The following PLXDC2 variants were observed in gnomAD, a reference collection of about 807,000 sequenced individuals.
PLXDC2 encodes the protein plexin domain-containing protein 2.
A neutral mutation model predicts 68.9 loss-of-function variants in PLXDC2; 40 were observed. That is an observed-to-expected ratio of 0.58 (90% CI 0.45 to 0.76). The LOEUF (loss-of-function observed/expected upper bound fraction) is 0.76. Among genes scored for constraint, PLXDC2 ranks in the 30% least tolerant of loss-of-function variants. The pLI is 0.00. For synonymous variants in PLXDC2, 243 were observed against 234.2 expected (o/e 1.04, Z -0.34); for missense variants, 644 against 661.9 (o/e 0.97, Z 0.30).
At chr10:19,820,473 T>C (rs1836443054) in intron 1 of PLXDC2, among the ~76,000 whole-genome samples, 1 of 147,350 alleles carries the variant, frequency 6.8e-6, no homozygotes, top group Non-Finnish European at 1.5e-5. Flanking sequence ...CTACTAAAAA[T>C]ACAAAAAAAA....
chr10:19,846,815 C>T (rs1462719103), intron 1 of PLXDC2, among the ~76,000 whole-genome samples: 2 of 152,052 alleles, frequency 1.3e-5, no homozygotes, highest in South Asian at 2.1e-4. Context: ...TTTCACACTG[C>T]TAAGAGAGAT....
chr10:20,218,063 CT>C (rs1224197734), intron 11 of PLXDC2, among the ~76,000 whole-genome samples: 3 of 152,126 alleles, frequency 2.0e-5, no homozygotes, highest in Non-Finnish European at 4.4e-5. Flanking sequence ...TACAGAAACA[CT>C]GTATGTGTCA....
intron 1 of PLXDC2, among the ~76,000 whole-genome samples, chr10:19,942,714 C>T (rs563368554): frequency 2.6e-5 from 4 of 152,240 alleles, no homozygotes; most frequent in South Asian, 4.1e-4. Context: ...TTGCAGTGAG[C>T]GGAGATGGCA....
At chr10:20,004,418 G>A (rs558192127) in intron 2 of PLXDC2, among the ~76,000 whole-genome samples, 1 of 152,226 alleles carries the variant, frequency 6.6e-6, no homozygotes, top group South Asian at 2.1e-4. Context: ...TAGCAACTTG[G>A]GGTAGGCAAC....
At chr10:20,096,015 C>A (rs563091354) in intron 4 of PLXDC2, among the ~76,000 whole-genome samples, 3 of 152,216 alleles carry the variant, frequency 2.0e-5, no homozygotes, top group African/African-American at 7.2e-5. Flanking sequence ...TGCAGTTTTT[C>A]CCAAATTAAT....
At chr10:19,900,256 G>C (rs1838135707) in intron 1 of PLXDC2, among the ~76,000 whole-genome samples, 1 of 152,152 alleles carries the variant, frequency 6.6e-6, no homozygotes, top group Admixed American at 6.6e-5. Flanking sequence ...AGAAGATCAA[G>C]GAGGGCCTGG....
chr10:20,197,361 GT>G (rs1461334000), intron 9 of PLXDC2, among the ~76,000 whole-genome samples: 2 of 146,922 alleles, frequency 1.4e-5, no homozygotes, highest in African/African-American at 2.7e-5. Flanking sequence ...ATTGTTTTTT[GT>G]TTGTTTGTTT....
rs577050491 is a variant in PLXDC2, at chr10:19,921,386, T to A, written c.113-80389T>A. Among the ~76,000 whole-genome samples the A allele has an allele frequency of 2.6e-5, 4 of 152,308 alleles. No individual in the cohort carries two copies. The East Asian group carries it at 7.7e-4, about 29-fold the overall frequency. ...TTGTAGATGTTTCAGAGGGACAGTT[T>A]CATCCCTGTTGGCCGTCTTCCTCGT... On this transcript the variant is annotated intron_variant, in intron 1 of 13. Transcript: ENST00000377252.
intron 4 of PLXDC2, among the ~76,000 whole-genome samples, chr10:20,122,388 T>C (rs1589639922): frequency 6.6e-6 from 1 of 152,066 alleles, no homozygotes; most frequent in Non-Finnish European, 1.5e-5. Context: ...TCCGTGATGG[T>C]CTAGGGGGCT....
At chr10:20,132,463 T>C (rs1833879929) in intron 4 of PLXDC2, among the ~76,000 whole-genome samples, 1 of 152,214 alleles carries the variant, frequency 6.6e-6, no homozygotes, top group Admixed American at 6.5e-5. Flanking sequence ...TCCTCTACTA[T>C]TATTGTATTG....
intron 1 of PLXDC2, among the ~76,000 whole-genome samples, chr10:19,888,010 G>A (rs1027837162): frequency 2.6e-5 from 4 of 152,120 alleles, no homozygotes; most frequent in African/African-American, 9.7e-5. Flanking sequence ...TTTGCTGTGT[G>A]GTCTTGTGGA....
At chr10:19,942,596 G>A (rs953152300) in intron 1 of PLXDC2, among the ~76,000 whole-genome samples, 2 of 151,934 alleles carry the variant, frequency 1.3e-5, no homozygotes, top group Non-Finnish European at 1.5e-5. Context: ...AACCCGTCTC[G>A]ACCAAAAATA....
At chr10:20,066,641 A>G (rs1314658240) in intron 3 of PLXDC2, among the ~76,000 whole-genome samples, 4 of 152,200 alleles carry the variant, frequency 2.6e-5, no homozygotes, top group African/African-American at 4.8e-5. Context: ...GCACAAAATA[A>G]AAGTGATCAT....
intron 13 of PLXDC2, among the ~76,000 whole-genome samples, chr10:20,276,571 G>C (rs1836009529): frequency 6.6e-6 from 1 of 152,118 alleles, no homozygotes; most frequent in Non-Finnish European, 1.5e-5. Flanking sequence ...AATGTTTTAA[G>C]ACATTACATC....
chr10:19,978,947 A>G (rs563209845), intron 1 of PLXDC2, among the ~76,000 whole-genome samples: 1 of 152,216 alleles, frequency 6.6e-6, no homozygotes, highest in Non-Finnish European at 1.5e-5. Context: ...AGTAATCTTG[A>G]CTATTATTAC....
intron 4 of PLXDC2, among the ~76,000 whole-genome samples, chr10:20,099,160 G>A (rs544266554): frequency 2.0e-5 from 3 of 152,056 alleles, no homozygotes; most frequent in South Asian, 2.1e-4. Flanking sequence ...CTATTACTGC[G>A]GCCAAAAGCA....
chr10:19,936,045 A>G (rs1258896135), intron 1 of PLXDC2, among the ~76,000 whole-genome samples: 1 of 152,230 alleles, frequency 6.6e-6, no homozygotes, highest in African/African-American at 2.4e-5. Flanking sequence ...GAGAAACAAA[A>G]TGTATAAATT....
Position 20,216,116 on chromosome 10 carries a change from A to T in PLXDC2, c.1123-1310A>T, listed in dbSNP as rs571332984. On this transcript the variant is annotated intron_variant, in intron 10 of 13. Coordinates refer to ENST00000377252, the MANE Select transcript of PLXDC2 (RefSeq NM_032812.9). ...TTGTAGAAAAAAAAACTAAAAAAAA[A>T]AAAAAATAAAAAAATAGAGCAAGAT... Among the ~76,000 whole-genome samples the T allele has an allele frequency of 9.9e-5, 15 of 152,124 alleles. No homozygotes were observed. In the South Asian group the frequency reaches 1.0e-3, roughly 11 times the overall value.
At chr10:19,913,095 T>G (rs190775954) in intron 1 of PLXDC2, among the ~76,000 whole-genome samples, 1 of 152,290 alleles carries the variant, frequency 6.6e-6, no homozygotes, top group East Asian at 1.9e-4. Flanking sequence ...ATGAATTGAA[T>G]CCCCAGAAGA....
Sources: allele counts gnomAD v4.1 joint callset (sites outside exome capture counted in the v4.1 genomes callset), GRCh38; gene constraint gnomAD v4.1.1; transcripts MANE v1.5; gene names NCBI Gene and HGNC (gene_info 2026-07-23, HGNC 2026-07-21).